HIF1A: variants seen among roughly 807,000 people sequenced by gnomAD.
HIF1A encodes the protein hypoxia-inducible factor 1-alpha.
Under a neutral mutation model 92.7 loss-of-function variants are expected in HIF1A, and 24 were observed. That is an observed-to-expected ratio of 0.26 (90% CI 0.19 to 0.36). HIF1A has a LOEUF of 0.36. Among genes scored for constraint, HIF1A ranks in the 10% least tolerant of loss-of-function variants. The pLI is 1.00. For synonymous variants in HIF1A, 319 were observed against 338.7 expected (o/e 0.94, Z 0.64); for missense variants, 799 against 998.5 (o/e 0.80, Z 2.69).
chr14:61,695,528 C>G lies in HIF1A; in HGVS notation c.-277C>G, dbSNP rs929103265. On this transcript the variant is annotated 5_prime_UTR_variant, in exon 1 of 15. Coordinates refer to ENST00000337138, the MANE Select transcript of HIF1A (RefSeq NM_001530.4). ...TCAGCTCCTCAGTGCACAGTGCTGCCTCGTCTGAGGGGACAGGAGGATCAC... is the reference window on the plus strand; with the variant it reads ...TCAGCTCCTCAGTGCACAGTGCTGCGTCGTCTGAGGGGACAGGAGGATCAC... The G allele has an allele frequency of 1.8e-6, 1 of 545,406 alleles. No homozygotes were observed. Among genetic ancestry groups the G allele is most frequent in the Non-Finnish European group, 3.2e-6 (1 of 308,402 alleles). The allele number at this position is 545,406 out of a possible 1,614,324, so 33.8% of individuals were successfully genotyped here.
rs372868999 is a variant in HIF1A, at chr14:61,736,973, G to A, written c.1113G>A (p.Met371Ile). The A allele has an allele frequency of 1.9e-5, 31 of 1,613,836 alleles. No homozygotes were observed. The highest frequency in any genetic ancestry group is 2.6e-5 in the Non-Finnish European group (31 of 1,179,846). Residue 371 changes from methionine (M) to isoleucine (I), a missense_variant, in exon 9 of 15, where the codon ATG (methionine) becomes ATA (isoleucine). Physicochemically the swap from Met to Ile is conservative, Grantham distance 10. Transcript: ENST00000337138. ...LKPVESSDMK[M>I]TQLFTKVESE... is the part of the protein sequence containing the mutation. ...CGGTTGAATCTTCAGATATGAAAAT[G>A]ACTCAGCTATTCACCAAAGTTGAAT...
intron 2 of HIF1A, among the ~76,000 whole-genome samples, chr14:61,720,964 G>A (rs1029843429): frequency 5.3e-5 from 8 of 152,042 alleles, no homozygotes; most frequent in African/African-American, 1.4e-4. Flanking sequence ...GACTCAGGCC[G>A]GGCGCGGTGG....
chr14:61,728,163 CT>C (rs1468740221), intron 6 of HIF1A, among the ~76,000 whole-genome samples: 14 of 152,316 alleles, frequency 9.2e-5, no homozygotes, highest in African/African-American at 3.4e-4. Flanking sequence ...TGAACACTTA[CT>C]TTACTAGGTG....
At chr14:61,704,252 T>C (rs2044210585) in intron 1 of HIF1A, among the ~76,000 whole-genome samples, 1 of 152,200 alleles carries the variant, frequency 6.6e-6, no homozygotes, top group African/African-American at 2.4e-5. Flanking sequence ...TCAAGCCTTC[T>C]TTGTGATAAT....
intron 4 of HIF1A, 127 bp downstream of exon 4, chr14:61,721,950 GTCTAT>G (rs2044435906): frequency 1.6e-6 from 1 of 627,918 alleles, no homozygotes; most frequent in Non-Finnish European, 2.8e-6. Flanking sequence ...TTAATAAAAT[GTCTAT>G]TCTTTGTTAA....
chr14:61,740,925 T>C lies in HIF1A; in HGVS notation c.1830T>C (p.Pro610=), dbSNP rs1209912865. The change falls in exon 12 of 15, where the codon CCT becomes CCC. Residue 610 remains proline, a synonymous_variant. Coordinates refer to ENST00000337138, the MANE Select transcript of HIF1A (RefSeq NM_001530.4). ...TVFQQTQIQE[P]TANATTTTAT... ...TCCAGCAGACTCAAATACAAGAACCTACTGCTAATGCCACCACTACCACTG... is the reference window on the plus strand; with the variant it reads ...TCCAGCAGACTCAAATACAAGAACCCACTGCTAATGCCACCACTACCACTG... The C allele has an allele frequency of 6.2e-7, 1 of 1,614,190 alleles. No individual in the cohort carries two copies. Among genetic ancestry groups the C allele is most frequent in the East Asian group, 2.2e-5 (1 of 44,882 alleles).
chr14:61,724,382 C>CTCTCT (rs1209295569), intron 4 of HIF1A, among the ~76,000 whole-genome samples: 14 of 30,104 alleles, frequency 4.7e-4, no homozygotes, highest in Non-Finnish European at 1.4e-3. Flanking sequence ...TCTCTCTCTC[C>CTCTCT]CCCTCCCTCC....
At chr14:61,742,412 C>G (rs535594102) in intron 12 of HIF1A, among the ~76,000 whole-genome samples, 9 of 152,226 alleles carry the variant, frequency 5.9e-5, no homozygotes, top group African/African-American at 2.2e-4. Flanking sequence ...AGGTCTTTTC[C>G]CTAAGCTTGG....
In HIF1A at chr14:61,742,907, A is replaced by AAAAAAAAAAAAAAG. The variant is rs71117851; in HGVS notation, c.2093+1719_2093+1720insAAAAAAAAAAAAAG. On this transcript the variant is annotated intron_variant, in intron 12 of 14. Coordinates refer to ENST00000337138, the MANE Select transcript of HIF1A (RefSeq NM_001530.4). ...TTTCAAAAAAAAAAAAAAAAAAAAA[A>AAAAAAAAAAAAAAG]GTTGTTGGACTGACAGATGCATGAA... 1.9e-5 allele frequency among the ~76,000 whole-genome samples: 2 copies of AAAAAAAAAAAAAAG among 105,918 alleles called. 1 individual carries two copies. The allele number at this position is 105,918 out of a possible 152,430, so 69.5% of individuals were successfully genotyped here. A position where few individuals can be genotyped will look rare whatever the true frequency, so the allele number is the denominator to read the frequency against.
At position 61,713,589 on chromosome 14, in the gene HIF1A, C is replaced by G. The variant is rs185863376; in HGVS notation, c.36-6793C>G. ...AGCTCAAAGGCTATTCTACTTCTCACTATATTTCTAGTACCTAGCACAGTG... is the reference window on the plus strand; with the variant it reads ...AGCTCAAAGGCTATTCTACTTCTCAGTATATTTCTAGTACCTAGCACAGTG... On this transcript the variant is annotated intron_variant, in intron 1 of 14. Coordinates refer to ENST00000337138, the MANE Select transcript of HIF1A (RefSeq NM_001530.4). 2.9e-3 allele frequency among the ~76,000 whole-genome samples: 446 copies of G among 152,272 alleles called. 2 individuals carry two copies. The highest frequency in any genetic ancestry group is 5.5e-3 in the Non-Finnish European group (372 of 68,030).
intron 4 of HIF1A, among the ~76,000 whole-genome samples, chr14:61,725,716 CCAG>C (rs1479972189): frequency 6.6e-6 from 1 of 150,848 alleles, no homozygotes; most frequent in Middle Eastern, 3.4e-3. Flanking sequence ...GCCACTGCGC[CCAG>C]CAAGATGCTC....
At chr14:61,714,934 T>C (rs1320746336) in intron 1 of HIF1A, among the ~76,000 whole-genome samples, 1 of 151,930 alleles carries the variant, frequency 6.6e-6, no homozygotes, top group Non-Finnish European at 1.5e-5. Flanking sequence ...CTCGGGAGGC[T>C]GAGGCAGGAG....
chr14:61,741,187 A>C lies in HIF1A; in HGVS notation c.2092A>C (p.Arg698=). Residue 698 remains arginine (R), a splice_region_variant and synonymous_variant, in exon 12 of 15, where the codon AGA becomes CGA. Transcript: ENST00000337138. The stretch of plus-strand genomic sequence containing the variant: ...CGTGTTATCTGTCGCTTTGAGTCAA[A>C]GGTATTTATATGTAACATTCAAGTT... The part of the protein sequence containing the change: ...PNVLSVALSQ[R]TTVPEEELNP... 1 of 1,575,112 alleles carries C rather than the reference A, an allele frequency of 6.3e-7. No individual in the cohort carries two copies. Among genetic ancestry groups the C allele is most frequent in the South Asian group, 1.2e-5 (1 of 86,524 alleles).
intron 14 of HIF1A, 119 bp from the exon 15 acceptor site, chr14:61,746,815 A>T: frequency 1.4e-6 from 1 of 713,560 alleles, no homozygotes; most frequent in Non-Finnish European, 2.2e-6. Flanking sequence ...TTGCCAGGTA[A>T]ACTAAAAACC....
At chr14:61,739,274 C>G (rs1162948277) in intron 10 of HIF1A, among the ~76,000 whole-genome samples, 1 of 152,052 alleles carries the variant, frequency 6.6e-6, no homozygotes, top group Non-Finnish European at 1.5e-5. Context: ...GTCCTATGAA[C>G]ACAAAAATAA....
intron 12 of HIF1A, among the ~76,000 whole-genome samples, chr14:61,743,586 A>T (rs902857051): frequency 2.0e-5 from 3 of 152,224 alleles, no homozygotes; most frequent in Admixed American, 6.5e-5. Flanking sequence ...GAAGTTTTAG[A>T]GAAATTTTTT....
chr14:61,715,058 T>C (rs541762474), intron 1 of HIF1A, among the ~76,000 whole-genome samples: 1 of 152,190 alleles, frequency 6.6e-6, no homozygotes, highest in Admixed American at 6.5e-5. Flanking sequence ...ACAGTTTCTG[T>C]GACTGCTAGA....
At chr14:61,723,049 T>C (rs1364524899) in intron 4 of HIF1A, among the ~76,000 whole-genome samples, 6 of 152,228 alleles carry the variant, frequency 3.9e-5, no homozygotes, top group African/African-American at 1.2e-4. Context: ...CTTTTCTTCA[T>C]GATGGAAAGT....
At chr14:61,709,761 G>A (rs929423051) in intron 1 of HIF1A, among the ~76,000 whole-genome samples, 2 of 152,038 alleles carry the variant, frequency 1.3e-5, no homozygotes, top group Admixed American at 1.3e-4. Flanking sequence ...TTGAAAATTA[G>A]GTTAGCATGA....
Sources: gnomAD v4.1 joint callset for allele counts (sites outside exome capture counted in the v4.1 genomes callset) on GRCh38, gnomAD v4.1.1 for gene constraint, MANE v1.5 for transcripts, NCBI Gene and HGNC (gene_info 2026-07-23, HGNC 2026-07-21) for gene names.